The following DPH6 variants were observed in gnomAD, a reference collection of about 807,000 sequenced individuals.
DPH6 encodes the protein diphthamine biosynthesis 6, also known as diphthine--ammonia ligase.
In DPH6, 33 loss-of-function variants were observed where a neutral mutation model predicts 38.2. The ratio of observed to expected loss-of-function variants is 0.86; its 90% CI spans 0.65 to 1.15. The LOEUF is 1.15. Among genes scored for constraint, DPH6 ranks in the 50% most tolerant of loss-of-function variants. DPH6 has a pLI of 0.00. For missense variants in DPH6, 325 were observed against 320.0 expected (o/e 1.02, Z -0.12); for synonymous variants, 108 against 103.0 (o/e 1.05, Z -0.30).
intron 3 of DPH6, among the ~76,000 whole-genome samples, chr15:35,317,103 C>A (rs2052196616): frequency 6.6e-6 from 1 of 151,564 alleles, no homozygotes; most frequent in East Asian, 1.9e-4. Flanking sequence ...ACAAAAAATA[C>A]AAAAAATTAG....
At chr15:35,223,104 A>G (rs2140385958) in intron 3 of DPH6, among the ~76,000 whole-genome samples, 1 of 152,240 alleles carries the variant, frequency 6.6e-6, no homozygotes, top group African/African-American at 2.4e-5. Flanking sequence ...AGGGTACTTG[A>G]CTGGGTAATT....
intron 3 of DPH6, among the ~76,000 whole-genome samples, chr15:35,248,210 C>G (rs7180631): frequency 0.011 from 1,628 of 152,296 alleles, 34 homozygotes; most frequent in African/African-American, 0.038. Flanking sequence ...CTCTCATTCT[C>G]CCCTGAGGCA....
intron 5 of DPH6, among the ~76,000 whole-genome samples, chr15:35,429,463 T>C (rs1215782745): frequency 6.6e-6 from 1 of 151,626 alleles, no homozygotes; most frequent in Non-Finnish European, 1.5e-5. Context: ...CTGTGTCACT[T>C]GCAAATTTCA....
At chr15:35,528,125 A>AT (rs1219515083) in intron 3 of DPH6, among the ~76,000 whole-genome samples, 2 of 152,168 alleles carry the variant, frequency 1.3e-5, no homozygotes, top group Non-Finnish European at 2.9e-5. Context: ...ATCTATATAA[A>AT]TTATTTGAAA....
chr15:35,491,615 G>A (rs1025443285), intron 3 of DPH6, among the ~76,000 whole-genome samples: 22 of 137,576 alleles, frequency 1.6e-4, no homozygotes, highest in Non-Finnish European at 1.1e-4. Context: ...TATATATATC[G>A]ATATATAGAT....
At chr15:35,424,604 G>A (rs1409494549) in intron 5 of DPH6, among the ~76,000 whole-genome samples, 1 of 151,398 alleles carries the variant, frequency 6.6e-6, no homozygotes, top group African/African-American at 2.4e-5. Context: ...TAATATAAGT[G>A]GCAAGAGTGG....
chr15:35,267,992 AACCCTGTCTCT>A (rs1242233568), intron 3 of DPH6, among the ~76,000 whole-genome samples: 4 of 152,016 alleles, frequency 2.6e-5, no homozygotes, highest in Admixed American at 6.6e-5. Context: ...AACATGGTGA[AACCCTGTCTCT>A]ACTAAAAATA....
intron 3 of DPH6, among the ~76,000 whole-genome samples, chr15:35,238,370 T>G (rs1367962929): frequency 6.6e-6 from 1 of 152,192 alleles, no homozygotes; most frequent in South Asian, 2.1e-4. Flanking sequence ...TCGGGAGTAG[T>G]TGTCTTCCTC....
At chr15:35,257,399 C>T (rs2051715440) in intron 3 of DPH6, among the ~76,000 whole-genome samples, 1 of 152,066 alleles carries the variant, frequency 6.6e-6, no homozygotes, top group Non-Finnish European at 1.5e-5. Flanking sequence ...CTCTGAGTTT[C>T]CATACTCATG....
chr15:35,467,003 T>C (rs1173782141), intron 3 of DPH6, among the ~76,000 whole-genome samples: 1 of 152,186 alleles, frequency 6.6e-6, no homozygotes, highest in Non-Finnish European at 1.5e-5. Context: ...TACTGTACAC[T>C]AATGTAGATT....
downstream of DPH6, among the ~76,000 whole-genome samples, chr15:35,370,157 G>A (rs1188068782): frequency 1.3e-5 from 2 of 151,618 alleles, no homozygotes; most frequent in Non-Finnish European, 3.0e-5. Flanking sequence ...TTTAAAAAAC[G>A]AATCCATATA....
At chr15:35,513,019 A>T (rs911737045) in intron 3 of DPH6, among the ~76,000 whole-genome samples, 1 of 152,104 alleles carries the variant, frequency 6.6e-6, no homozygotes, top group African/African-American at 2.4e-5. Context: ...ATAGAATATT[A>T]AGTAATCATT....
the DPH6 span, among the ~76,000 whole-genome samples, chr15:35,185,640 C>A: frequency 1.3e-5 from 2 of 150,734 alleles, no homozygotes; most frequent in Admixed American, 1.3e-4. Context: ...AATTTTCACA[C>A]GAAAATTTTC....
chr15:35,261,002 A>G (rs963205834), intron 3 of DPH6, among the ~76,000 whole-genome samples: 13 of 152,310 alleles, frequency 8.5e-5, no homozygotes, highest in Admixed American at 7.2e-4. Flanking sequence ...ATAGTTATTC[A>G]TGTCTTGACT....
In DPH6 at chr15:35,365,431, T is replaced by G. The variant is rs190655614; in HGVS notation, n.207+8090A>C. The stretch of plus-strand genomic sequence containing the variant: ...ATGTGTTCTGAATGAATAAATCGTA[T>G]GAGGATTATCTTTTATTACAAATCA... On this transcript the variant is annotated intron_variant and non_coding_transcript_variant, in intron 3 of 3. Coordinates refer to the DPH6 transcript ENST00000558973. Among the ~76,000 whole-genome samples the G allele has an allele frequency of 7.0e-4, 107 of 152,268 alleles. 1 individual carries two copies. The highest frequency in any genetic ancestry group is 2.2e-3 in the African/African-American group (92 of 41,590).
rs115457634 is a variant in DPH6 at position 35,305,295 on chromosome 15, C to T, written n.200+68226G>A. 3.6e-3 allele frequency among the ~76,000 whole-genome samples: 550 copies of T among 152,164 alleles called. 5 individuals are homozygous for T. The highest frequency in any genetic ancestry group is 0.013 in the African/African-American group (530 of 41,528). Reference sequence around the variant, plus strand: ...TTATTAATAACACCCCTTACACTCACAAAGTGTTCAACATCATTAAATAGA... The same window carrying T: ...TTATTAATAACACCCCTTACACTCATAAAGTGTTCAACATCATTAAATAGA... On this transcript the variant is annotated intron_variant and non_coding_transcript_variant, in intron 3 of 3. Coordinates refer to the DPH6 transcript ENST00000560386.
chr15:35,450,927 T>A, intron 4 of DPH6, 124 bp from the exon 5 acceptor site: 1 of 716,962 alleles, frequency 1.4e-6, no homozygotes, highest in Non-Finnish European at 2.2e-6. Flanking sequence ...AAAATGCTTT[T>A]AAAAACATAT....
the DPH6 span, among the ~76,000 whole-genome samples, chr15:35,159,486 G>C: frequency 6.6e-6 from 1 of 151,780 alleles, no homozygotes; most frequent in Admixed American, 6.6e-5. Context: ...TCAGAGTAAT[G>C]CACATCAAAA....
chr15:35,212,239 G>C, the DPH6 span, among the ~76,000 whole-genome samples: 1 of 151,854 alleles, frequency 6.6e-6, no homozygotes, highest in Non-Finnish European at 1.5e-5. Context: ...TTTTGGAGGG[G>C]GGATTTACTT....
Sources: gnomAD v4.1 joint callset for allele counts (sites outside exome capture counted in the v4.1 genomes callset) on GRCh38, gnomAD v4.1.1 for gene constraint, MANE v1.5 for transcripts, NCBI Gene and HGNC (gene_info 2026-07-23, HGNC 2026-07-21) for gene names.